ADGRG1: variants seen among roughly 807,000 people sequenced by gnomAD.
ADGRG1 encodes adhesion G protein-coupled receptor G1.
Under a neutral mutation model 73.5 loss-of-function variants are expected in ADGRG1, and 53 were observed. The ratio of observed to expected loss-of-function variants is 0.72; its 90% confidence interval spans 0.58 to 0.91. ADGRG1 has a LOEUF of 0.91. ADGRG1 is among the 40% of genes least tolerant of loss of function. The pLI, the probability that ADGRG1 is intolerant of heterozygous loss-of-function variation, is 0.00. For missense variants in ADGRG1, 795 were observed against 871.8 expected (o/e 0.91, Z 1.11); for synonymous variants, 394 against 374.4 (o/e 1.05, Z -0.60).
chr16:57,637,605 C>T, intron 1 of ADGRG1: 1 of 985,412 alleles, frequency 1.0e-6, no homozygotes, highest in South Asian at 4.7e-5. Flanking sequence ...AACAGCAAGT[C>T]CTTTCTTTGC....
chr16:57,634,245 G>C, intron 1 of ADGRG1: 1 of 985,422 alleles, frequency 1.0e-6, no homozygotes. Context: ...CTGGCACCCT[G>C]GGTCTCGGAC....
At chr16:57,653,114 A>G in intron 3 of ADGRG1, 89 bp from the exon 4 acceptor site, 1 of 1,594,936 alleles carries the variant, frequency 6.3e-7, no homozygotes, top group Non-Finnish European at 8.5e-7. Context: ...AGGCATTCAG[A>G]GTCATGTCAG....
intron 1 of ADGRG1, chr16:57,635,946 G>A (rs1440760799): frequency 1.0e-5 from 10 of 985,274 alleles, no homozygotes; most frequent in Non-Finnish European, 1.2e-5. Context: ...GCACTTGTAC[G>A]TGGCTCCCTG....
At chr16:57,662,889 C>T in intron 13 of ADGRG1, 1 of 983,034 alleles carries the variant, frequency 1.0e-6, no homozygotes, top group Non-Finnish European at 1.2e-6. Flanking sequence ...GGGTTCAAGG[C>T]CAGCCTCCCA....
chr16:57,645,539 C>T (rs1447732487), intron 1 of ADGRG1, among the ~76,000 whole-genome samples: 2 of 152,204 alleles, frequency 1.3e-5, no homozygotes, highest in Non-Finnish European at 2.9e-5. Context: ...GAGTCCAGGC[C>T]CTACCATCTA....
chr16:57,626,816 C>T (rs1277564117), upstream of ADGRG1: 2 of 981,842 alleles, frequency 2.0e-6, no homozygotes, highest in Non-Finnish European at 2.4e-6. Flanking sequence ...CCCTGAAGGA[C>T]TGACCTTGGG....
intron 1 of ADGRG1, chr16:57,631,912 G>A: frequency 5.2e-6 from 5 of 968,272 alleles, no homozygotes; most frequent in Non-Finnish European, 6.1e-6. Flanking sequence ...CCAAGGGTTG[G>A]GGAGTAGGAA....
chr16:57,641,643 G>A (rs1016461822), intron 1 of ADGRG1: 18 of 737,786 alleles, frequency 2.4e-5, no homozygotes, highest in Non-Finnish European at 2.9e-5. Context: ...TTGGCTCATC[G>A]TAACCTCCAC....
chr16:57,658,832 G>T (rs1431041684), intron 10 of ADGRG1: 3 of 317,774 alleles, frequency 9.4e-6, no homozygotes, highest in Non-Finnish European at 1.4e-5. Context: ...AAGGGGAGGG[G>T]ACCAGCTGAA....
chr16:57,630,356 G>A (rs538642795), intron 1 of ADGRG1: 12 of 985,294 alleles, frequency 1.2e-5, no homozygotes, highest in Admixed American at 6.1e-5. Context: ...AGCTCTTAGG[G>A]CCAGACCTGA....
rs141728283 is a variant in ADGRG1 at position 57,663,509 on chromosome 16, C to T, written c.1991C>T (p.Ser664Phe). The T allele has an allele frequency of 1.1e-5, 18 of 1,613,954 alleles. No homozygotes were observed. In the African/African-American group the frequency reaches 2.4e-4, roughly 22 times the overall value. The change falls in exon 14 of 14, where the codon TCC becomes TTC. Residue 664 changes from serine to phenylalanine, a missense_variant. Physicochemically the swap from Ser to Phe is radical, Grantham distance 155. Coordinates refer to ENST00000562631, the MANE Select transcript of ADGRG1 (RefSeq NM_201525.4). Reference protein sequence around the residue: ...SMRLQARGGPSPLKSNSDSAR... With the variant: ...SMRLQARGGPFPLKSNSDSAR... ...CGGCTGCAGGCCCGGGGTGGCCCCT[C>T]CCCTCTGAAGAGCAACTCAGACAGC... is the stretch of plus-strand genomic sequence containing the variant.
At chr16:57,627,787 C>CT (rs1314359946), upstream of ADGRG1, 1 of 985,314 alleles carries the variant, frequency 1.0e-6, no homozygotes, top group Admixed American at 6.1e-5. Context: ...CCAAAGCCTC[C>CT]TGACTCGAGA....
At chr16:57,659,995 G>A (rs1381442157) in intron 11 of ADGRG1, among the ~76,000 whole-genome samples, 1 of 152,220 alleles carries the variant, frequency 6.6e-6, no homozygotes, top group African/African-American at 2.4e-5. Flanking sequence ...GAGATCAGAG[G>A]GGCTGAAATC....
intron 1 of ADGRG1, among the ~76,000 whole-genome samples, chr16:57,638,179 G>A (rs2147611280): frequency 6.6e-6 from 1 of 152,354 alleles, no homozygotes; most frequent in East Asian, 1.9e-4. Flanking sequence ...ACGTGGGGGA[G>A]AGTTAGGGAT....
upstream of ADGRG1, chr16:57,624,679 C>A (rs1186726208): frequency 1.3e-5 from 13 of 978,778 alleles, no homozygotes; most frequent in Non-Finnish European, 7.3e-6. Flanking sequence ...CCAGCCCCAC[C>A]ATGTCTTCCT....
At chr16:57,636,062 T>C in intron 1 of ADGRG1, 4 of 985,290 alleles carry the variant, frequency 4.1e-6, no homozygotes, top group Non-Finnish European at 4.8e-6. Flanking sequence ...GCACGTGCCC[T>C]TTCTCCTCCT....
Position 57,663,681 on chromosome 16 carries a change from G to A in ADGRG1, c.*99G>A, listed in dbSNP as rs543368338. Reference sequence around the variant, plus strand: ...CGGCCCAGCCCCAGGCCAGTCAGCCGCAGACTTTGGAAAGCCCAACGACCA... The same window carrying A: ...CGGCCCAGCCCCAGGCCAGTCAGCCACAGACTTTGGAAAGCCCAACGACCA... On this transcript the variant is annotated 3_prime_UTR_variant, in exon 14 of 14. Transcript: ENST00000562631. 9.0e-5 allele frequency: 124 copies of A among 1,375,034 alleles called. 1 individual carries two copies. Among genetic ancestry groups the A allele is most frequent in the Middle Eastern group, 1.9e-4 (1 of 5,280 alleles). 85.2% of individuals were successfully genotyped at this position (1,375,034 alleles called of 1,614,324 possible).
At position 57,628,945 on chromosome 16, in the gene ADGRG1, A is replaced by AGAGTTGT. The variant is rs1567668650; in HGVS notation, c.-36+147_-36+148insTGTGAGT. 8.4e-6 allele frequency: 5 copies of AGAGTTGT among 597,198 alleles called. No individual in the cohort carries two copies. The African/African-American group carries it at 1.3e-4, about 16-fold the overall frequency. The allele number at this position is 597,198 out of a possible 1,614,324, so 37.0% of individuals were successfully genotyped here. ...GAGTGTGAGTGTGAGTGTGAGCGTG[A>AGAGTTGT]GAGTGTGAGAGTGTGTGAGTGTGAG... On this transcript the variant is annotated intron_variant, in intron 1 of 13. Coordinates refer to ENST00000562631, the MANE Select transcript of ADGRG1 (RefSeq NM_201525.4).
chr16:57,631,371 T>G, intron 1 of ADGRG1: 1 of 985,436 alleles, frequency 1.0e-6, no homozygotes, highest in Non-Finnish European at 1.2e-6. Context: ...TGTGTGCAGG[T>G]GGGGTCTGGG....
Sources: gnomAD v4.1 joint callset for allele counts (sites outside exome capture counted in the v4.1 genomes callset) on GRCh38, gnomAD v4.1.1 for gene constraint, MANE v1.5 for transcripts, NCBI Gene and HGNC (gene_info 2026-07-23, HGNC 2026-07-21) for gene names.